TAFA2: variants seen among roughly 807,000 people sequenced by gnomAD.
The protein encoded by TAFA2 is chemokine-like protein TAFA-2.
A neutral mutation model predicts 18.8 loss-of-function variants in TAFA2; 7 were observed. The observed-to-expected ratio is 0.37, with a 90% CI of 0.21 to 0.70. The LOEUF (loss-of-function observed/expected upper bound fraction) is 0.70, where lower values mean the gene tolerates loss of function less well. TAFA2 is among the 30% of genes least tolerant of loss of function. The pLI, the probability that TAFA2 is intolerant of heterozygous loss-of-function variation, is 0.53. For synonymous variants in TAFA2, 60 were observed against 54.2 expected (o/e 1.11, Z -0.47); for missense variants, 122 against 158.1 (o/e 0.77, Z 1.23).
chr12:61,867,110 T>C (rs1315057249), intron 2 of TAFA2, among the ~76,000 whole-genome samples: 1 of 152,080 alleles, frequency 6.6e-6, no homozygotes, highest in Non-Finnish European at 1.5e-5. Context: ...TTGAACACTA[T>C]TTACAGAAAT....
intron 4 of TAFA2, among the ~76,000 whole-genome samples, chr12:61,722,650 A>T (rs1869959302): frequency 6.6e-6 from 1 of 152,198 alleles, no homozygotes; most frequent in African/African-American, 2.4e-5. Flanking sequence ...TCGTTCAAAA[A>T]CATAGAAATG....
chr12:62,081,385 G>A (rs940372351), intron 1 of TAFA2, among the ~76,000 whole-genome samples: 2 of 64,292 alleles, frequency 3.1e-5, no homozygotes, highest in East Asian at 3.2e-4. Context: ...CCCTGAGTCT[G>A]AGAAAGAATA....
chr12:61,709,679 C>T lies in TAFA2; in HGVS notation c.*727G>A, dbSNP rs1380088317. On this transcript the variant is annotated 3_prime_UTR_variant, in exon 5 of 5. Transcript: ENST00000416284. ...AGTATTATATAATGAAAATGGCAAT[C>T]CAGTTCTAACTACTACCTATTTGAC... 1.3e-5 allele frequency: 2 copies of T among 151,984 alleles called. No homozygotes were observed. The highest frequency in any genetic ancestry group is 4.8e-5 in the African/African-American group (2 of 41,410). 9.4% of individuals were successfully genotyped at this position (151,984 alleles called of 1,614,324 possible).
intron 1 of TAFA2, among the ~76,000 whole-genome samples, chr12:62,008,670 A>C (rs1044566258): frequency 1.3e-5 from 2 of 152,222 alleles, no homozygotes; most frequent in African/African-American, 2.4e-5. Flanking sequence ...GGAATAAGCA[A>C]AATAATGAAA....
intron 1 of TAFA2, among the ~76,000 whole-genome samples, chr12:61,926,297 C>A (rs572654542): frequency 2.0e-5 from 3 of 152,328 alleles, no homozygotes; most frequent in Non-Finnish European, 4.4e-5. Context: ...CCTTCTGAAA[C>A]TATTCCAAAC....
At chr12:62,242,982 G>A (rs2062869558) in intron 1 of TAFA2, among the ~76,000 whole-genome samples, 1 of 152,124 alleles carries the variant, frequency 6.6e-6, no homozygotes, top group Admixed American at 6.6e-5. Flanking sequence ...AACATCCTTT[G>A]AAATGAGCCA....
At chr12:61,936,747 G>C (rs761326725) in intron 1 of TAFA2, among the ~76,000 whole-genome samples, 3 of 152,126 alleles carry the variant, frequency 2.0e-5, no homozygotes, top group African/African-American at 7.2e-5. Context: ...TTTCCCCTGA[G>C]AATTGGTACA....
At chr12:61,713,296 T>G (rs1869499024) in intron 4 of TAFA2, among the ~76,000 whole-genome samples, 1 of 152,196 alleles carries the variant, frequency 6.6e-6, no homozygotes. Context: ...CCGTTTTCTC[T>G]ATGTCACTTT....
intron 1 of TAFA2, among the ~76,000 whole-genome samples, chr12:62,088,614 T>TAA (rs139428735): frequency 1.3e-3 from 131 of 104,474 alleles, no homozygotes; most frequent in African/African-American, 3.0e-3. Context: ...TGGACCACAT[T>TAA]AAAAAAAAAA....
chr12:62,246,676 C>T (rs2062887930), intron 1 of TAFA2, among the ~76,000 whole-genome samples: 1 of 152,164 alleles, frequency 6.6e-6, no homozygotes, highest in Non-Finnish European at 1.5e-5. Context: ...CAGAATGGTA[C>T]ATTTTCCTAA....
intron 1 of TAFA2, among the ~76,000 whole-genome samples, chr12:62,097,106 T>C (rs539555962): frequency 6.6e-6 from 1 of 152,254 alleles, no homozygotes; most frequent in South Asian, 2.1e-4. Context: ...TCAAAAAGAA[T>C]TTATTAAGAA....
chr12:62,095,556 A>T (rs1868913461), intron 1 of TAFA2, among the ~76,000 whole-genome samples: 1 of 152,116 alleles, frequency 6.6e-6, no homozygotes, highest in African/African-American at 2.4e-5. Flanking sequence ...AACAAATTTC[A>T]TTTAGTAAGG....
intron 1 of TAFA2, among the ~76,000 whole-genome samples, chr12:61,922,525 A>G (rs993828302): frequency 2.6e-5 from 4 of 152,198 alleles, no homozygotes; most frequent in African/African-American, 9.7e-5. Context: ...TAGCCAAGGG[A>G]AACAGTGAAG....
intron 1 of TAFA2, among the ~76,000 whole-genome samples, chr12:62,012,267 GT>G (rs1880796151): frequency 6.6e-6 from 1 of 152,028 alleles, no homozygotes; most frequent in African/African-American, 2.4e-5. Context: ...TAATAAATCT[GT>G]TTTTTCATAA....
chr12:61,869,974 T>A (rs1874526811), intron 1 of TAFA2, among the ~76,000 whole-genome samples: 1 of 152,164 alleles, frequency 6.6e-6, no homozygotes, highest in Non-Finnish European at 1.5e-5. Context: ...TGGCCTCTGC[T>A]ACAAGGGCAA....
intron 1 of TAFA2, among the ~76,000 whole-genome samples, chr12:62,160,329 A>G (rs946229559): frequency 1.3e-5 from 2 of 152,210 alleles, no homozygotes; most frequent in Non-Finnish European, 2.9e-5. Flanking sequence ...CAAAGGTCCA[A>G]TGTTACCTCC....
At chr12:61,922,788 T>C (rs1433843282) in intron 1 of TAFA2, among the ~76,000 whole-genome samples, 1 of 152,152 alleles carries the variant, frequency 6.6e-6, no homozygotes, top group Non-Finnish European at 1.5e-5. Context: ...GCCAGGGAGC[T>C]GAGTGGTCTA....
At chr12:62,195,921 AGTCCCAGAT>A (rs1258165247), upstream of TAFA2, among the ~76,000 whole-genome samples, 1 of 152,212 alleles carries the variant, frequency 6.6e-6, no homozygotes, top group African/African-American at 2.4e-5. Context: ...TAGCTGGGAA[AGTCCCAGAT>A]GTCATCCTCT....
chr12:62,053,823 G>A (rs1036384691), intron 1 of TAFA2, among the ~76,000 whole-genome samples: 2 of 152,154 alleles, frequency 1.3e-5, no homozygotes, highest in African/African-American at 4.8e-5. Flanking sequence ...AATAGTATTA[G>A]AACCTATCTC....
Sources: allele counts gnomAD v4.1 joint callset (sites outside exome capture counted in the v4.1 genomes callset), GRCh38; gene constraint gnomAD v4.1.1; transcripts MANE v1.5; gene names NCBI Gene and HGNC (gene_info 2026-07-23, HGNC 2026-07-21).